CACHD1: variants seen among roughly 807,000 people sequenced by gnomAD.
The protein encoded by CACHD1 is cache domain containing 1.
Under a neutral mutation model 138.7 loss-of-function variants are expected in CACHD1, and 71 were observed. The ratio of observed to expected loss-of-function variants is 0.51; its 90% CI spans 0.42 to 0.62. The LOEUF is 0.62. Ranked by LOEUF, CACHD1 falls within the 20% of genes least tolerant of loss-of-function variation. The pLI is 0.00. For synonymous variants in CACHD1, 578 were observed against 591.5 expected, an observed-to-expected ratio of 0.98 and a Z score of 0.33; for missense variants, 1,389 against 1,625.3, an observed-to-expected ratio of 0.85 and a Z score of 2.50.
chr1:64,525,041 A>G (rs1279628119), intron 1 of CACHD1, among the ~76,000 whole-genome samples: 1 of 152,164 alleles, frequency 6.6e-6, no homozygotes, highest in Non-Finnish European at 1.5e-5. Flanking sequence ...TTGTACCTCC[A>G]TATCCAGTAC....
At chr1:64,478,844 G>C (rs899338000) in intron 1 of CACHD1, among the ~76,000 whole-genome samples, 1 of 152,096 alleles carries the variant, frequency 6.6e-6, no homozygotes, top group Admixed American at 6.5e-5. Flanking sequence ...AGGGGGGCAG[G>C]ACCACTCAGT....
intron 1 of CACHD1, among the ~76,000 whole-genome samples, chr1:64,481,658 C>T (rs545251745): frequency 3.3e-4 from 50 of 152,274 alleles, no homozygotes; most frequent in African/African-American, 1.0e-3. Context: ...AGGAGAAAAT[C>T]CAAGTGTGTC....
chr1:64,657,436 A>G (rs1156878463), intron 12 of CACHD1, among the ~76,000 whole-genome samples: 2 of 152,202 alleles, frequency 1.3e-5, no homozygotes, highest in Admixed American at 1.3e-4. Flanking sequence ...TCATTCTGGT[A>G]GGGTTTTGTC....
At chr1:64,642,059 T>C in intron 8 of CACHD1, 90 bp downstream of exon 8, 1 of 1,221,966 alleles carries the variant, frequency 8.2e-7, no homozygotes, top group Non-Finnish European at 1.1e-6. Flanking sequence ...CATAACAGTG[T>C]GCTTGGATGA....
intron 4 of CACHD1, among the ~76,000 whole-genome samples, chr1:64,626,404 A>G (rs999625018): frequency 9.8e-5 from 15 of 152,372 alleles, no homozygotes; most frequent in African/African-American, 3.4e-4. Context: ...GACCTCTGCA[A>G]AGTAAATGAA....
At chr1:64,533,444 C>T (rs1011107333) in intron 1 of CACHD1, among the ~76,000 whole-genome samples, 5 of 152,124 alleles carry the variant, frequency 3.3e-5, no homozygotes, top group African/African-American at 7.2e-5. Context: ...TAGGATTCAT[C>T]CATATGTATT....
chr1:64,480,369 G>T (rs1471851141), intron 1 of CACHD1, among the ~76,000 whole-genome samples: 1 of 152,072 alleles, frequency 6.6e-6, no homozygotes, highest in Non-Finnish European at 1.5e-5. Flanking sequence ...TACTGTGGGG[G>T]CCCCTTTTTT....
Position 64,564,908 on chromosome 1 carries a change from G to A in CACHD1, c.261+14252G>A, listed in dbSNP as rs1294901959. On this transcript the variant is annotated intron_variant, in intron 2 of 26. Coordinates refer to ENST00000651257, the MANE Select transcript of CACHD1 (RefSeq NM_020925.4). ...TCTTGAATTGTGTACTGAGCCACAG[G>A]AAGAAAAGGGACAATGGTTAGACAA... Among the ~76,000 whole-genome samples the A allele has an allele frequency of 3.9e-5, 6 of 152,008 alleles. No individual in the cohort carries two copies. In the South Asian group the frequency reaches 1.2e-3, roughly 32 times the overall value.
chr1:64,686,630 T>C (rs1366659337), intron 26 of CACHD1, among the ~76,000 whole-genome samples: 2 of 152,220 alleles, frequency 1.3e-5, no homozygotes, highest in Non-Finnish European at 2.9e-5. Context: ...AAAAATATCA[T>C]GTTCTGTCCA....
Position 64,470,977 on chromosome 1 carries a change from T to C in CACHD1, c.198+35T>C. ...CCCCGAGCTGGCCAGACATCCCGCC[T>C]TTCTCCTTTGCTCAAACTCCCATCC... On this transcript the variant is annotated intron_variant, in intron 1 of 26. Transcript: ENST00000651257. The surrounding 1 kb of genome is among the most constrained non-coding windows in gnomAD (Gnocchi z 5.2). 6.4e-7 allele frequency: 1 copy of C among 1,551,324 alleles called. No homozygotes were observed. The highest frequency in any genetic ancestry group is 8.7e-7 in the Non-Finnish European group (1 of 1,146,482).
intron 3 of CACHD1, among the ~76,000 whole-genome samples, chr1:64,599,808 A>G (rs2100572898): frequency 6.6e-6 from 1 of 152,208 alleles, no homozygotes; most frequent in Middle Eastern, 3.4e-3. Context: ...GTCCAGAAAA[A>G]TCTATGTATC....
intron 4 of CACHD1, among the ~76,000 whole-genome samples, chr1:64,612,152 G>T (rs1647556144): frequency 1.3e-5 from 2 of 152,188 alleles, no homozygotes; most frequent in South Asian, 4.2e-4. Context: ...CCTAACATGT[G>T]AGGATTACAA....
At position 64,663,499 on chromosome 1, in the gene CACHD1, C is replaced by T. The variant is rs534310140; in HGVS notation, c.1952-196C>T. On this transcript the variant is annotated intron_variant, in intron 13 of 26. Coordinates refer to ENST00000651257, the MANE Select transcript of CACHD1 (RefSeq NM_020925.4). ...CCAGGAGGCGGAGTTTGCAGTGATC[C>T]GAAGCCGCGCCACTTCACACCAGCC... Among the ~76,000 whole-genome samples, 18 of 149,502 alleles carry T rather than the reference C, an allele frequency of 1.2e-4. No individual in the cohort carries two copies. In the East Asian group the frequency reaches 3.0e-3, roughly 25 times the overall value.
At chr1:64,569,213 G>A (rs963242164) in intron 2 of CACHD1, among the ~76,000 whole-genome samples, 2 of 151,894 alleles carry the variant, frequency 1.3e-5, no homozygotes, top group African/African-American at 4.8e-5. Context: ...GAGCCACCAC[G>A]CCCAGCCTTA....
intron 2 of CACHD1, among the ~76,000 whole-genome samples, chr1:64,577,535 G>A (rs1646977941): frequency 6.6e-6 from 1 of 152,120 alleles, no homozygotes; most frequent in African/African-American, 2.4e-5. Context: ...CAGAATATGG[G>A]TTTGAATCCC....
intron 1 of CACHD1, among the ~76,000 whole-genome samples, chr1:64,496,987 C>T (rs982715741): frequency 2.6e-5 from 4 of 151,568 alleles, no homozygotes; most frequent in South Asian, 2.1e-4. Flanking sequence ...ATTTTTAACC[C>T]GAGGGGTCTT....
chr1:64,519,323 C>G (rs577115799), intron 1 of CACHD1, among the ~76,000 whole-genome samples: 1 of 152,218 alleles, frequency 6.6e-6, no homozygotes, highest in East Asian at 1.9e-4. Context: ...TGGAGCCTTT[C>G]GATTGAGGCA....
At chr1:64,654,878 C>T (rs1240085389) in intron 12 of CACHD1, 75 bp downstream of exon 12, 1 of 1,067,096 alleles carries the variant, frequency 9.4e-7, no homozygotes, top group Non-Finnish European at 1.4e-6. Context: ...AATTCTCAGC[C>T]AGGGGGTGGC....
chr1:64,495,520 A>G (rs1646300818), intron 1 of CACHD1, among the ~76,000 whole-genome samples: 1 of 152,172 alleles, frequency 6.6e-6, no homozygotes, highest in African/African-American at 2.4e-5. Context: ...AGTGTGAATG[A>G]CCACACAAAA....
Sources: allele counts gnomAD v4.1 joint callset (sites outside exome capture counted in the v4.1 genomes callset), GRCh38; gene constraint gnomAD v4.1.1; non-coding constraint Gnocchi (gnomAD v3.1); transcripts MANE v1.5; gene names NCBI Gene and HGNC (gene_info 2026-07-23, HGNC 2026-07-21).